Variants in SAMD12 observed in about 807,000 individuals in gnomAD.
The protein encoded by SAMD12 is sterile alpha motif domain containing 12.
Under a neutral mutation model 15.0 loss-of-function variants are expected in SAMD12, and 9 were observed. That is an observed-to-expected ratio of 0.60 (90% confidence interval 0.36 to 1.05). The LOEUF (loss-of-function observed/expected upper bound fraction) is 1.05, where lower values mean the gene tolerates loss of function less well. Ranked by LOEUF, SAMD12 falls within the 50% of genes least tolerant of loss-of-function variation. The pLI is 0.01. For missense variants in SAMD12, 230 were observed against 234.2 expected, an observed-to-expected ratio of 0.98 and a Z score of 0.12; for synonymous variants, 86 against 90.1, an observed-to-expected ratio of 0.96 and a Z score of 0.25.
intron 3 of SAMD12, among the ~76,000 whole-genome samples, chr8:118,436,181 C>T (rs906923208): frequency 6.6e-6 from 1 of 152,168 alleles, no homozygotes; most frequent in Non-Finnish European, 1.5e-5. Flanking sequence ...TTACTTACCA[C>T]TGTATTCTGA....
At chr8:118,507,306 C>T (rs1324871154) in intron 2 of SAMD12, among the ~76,000 whole-genome samples, 1 of 152,056 alleles carries the variant, frequency 6.6e-6, no homozygotes, top group Admixed American at 6.6e-5. Flanking sequence ...TCTCTCCCTC[C>T]TCTGAACTTT....
chr8:118,605,678 G>C (rs1849965165), intron 1 of SAMD12, among the ~76,000 whole-genome samples: 1 of 151,388 alleles, frequency 6.6e-6, no homozygotes, highest in Non-Finnish European at 1.5e-5. Context: ...AGGAAATTGA[G>C]ATAATAATCA....
chr8:118,270,487 A>G (rs1012931509), intron 4 of SAMD12, among the ~76,000 whole-genome samples: 1 of 152,020 alleles, frequency 6.6e-6, no homozygotes, highest in African/African-American at 2.4e-5. Flanking sequence ...ATCTCACTCT[A>G]TATGTTTGTT....
chr8:118,597,822 C>A (rs1269116809), intron 1 of SAMD12, among the ~76,000 whole-genome samples: 1 of 152,176 alleles, frequency 6.6e-6, no homozygotes, highest in Non-Finnish European at 1.5e-5. Flanking sequence ...CTCTACATGG[C>A]AGTTGGTACT....
chr8:118,445,686 T>C (rs1174030798), intron 2 of SAMD12, among the ~76,000 whole-genome samples: 1 of 152,198 alleles, frequency 6.6e-6, no homozygotes, highest in Non-Finnish European at 1.5e-5. Context: ...TAAATGCGTA[T>C]AGTGTTATTT....
intron 4 of SAMD12, among the ~76,000 whole-genome samples, chr8:118,337,168 A>T (rs1034713345): frequency 1.3e-5 from 2 of 152,200 alleles, no homozygotes; most frequent in African/African-American, 4.8e-5. Flanking sequence ...AATTAAAAAA[A>T]GAAAAAAAAA....
At chr8:118,523,352 T>C (rs1825444508) in intron 2 of SAMD12, among the ~76,000 whole-genome samples, 1 of 152,148 alleles carries the variant, frequency 6.6e-6, no homozygotes, top group South Asian at 2.1e-4. Flanking sequence ...TAAGCACCAA[T>C]GTCACAGTGG....
intron 2 of SAMD12, among the ~76,000 whole-genome samples, chr8:118,515,311 GCAC>G (rs1343232864): frequency 4.1e-5 from 6 of 147,396 alleles, no homozygotes; most frequent in African/African-American, 1.5e-4. Flanking sequence ...AAAGTTTTTA[GCAC>G]CTCCTCCTTC....
chr8:118,595,984 GAT>G (rs1355839918), intron 1 of SAMD12, among the ~76,000 whole-genome samples: 1 of 152,214 alleles, frequency 6.6e-6, no homozygotes, highest in Non-Finnish European at 1.5e-5. Flanking sequence ...TTGGTCAATG[GAT>G]ATAAGTGGAC....
chr8:118,527,429 C>A (rs1200430764), intron 2 of SAMD12, among the ~76,000 whole-genome samples: 2 of 152,152 alleles, frequency 1.3e-5, no homozygotes, highest in Non-Finnish European at 2.9e-5. Context: ...TACCATGGAT[C>A]AAGCCTTTGT....
At chr8:118,135,958 C>T in the SAMD12 span, among the ~76,000 whole-genome samples, 8 of 152,210 alleles carry the variant, frequency 5.3e-5, no homozygotes, top group African/African-American at 1.4e-4. Context: ...CCTTCCCACT[C>T]CCCCGCTTTG....
At chr8:118,611,136 A>T (rs957500044) in intron 1 of SAMD12, among the ~76,000 whole-genome samples, 4 of 152,206 alleles carry the variant, frequency 2.6e-5, no homozygotes, top group African/African-American at 9.7e-5. Context: ...TCTAATTATG[A>T]ATCAAATTTC....
the SAMD12 span, among the ~76,000 whole-genome samples, chr8:118,182,834 C>A: frequency 1.3e-5 from 2 of 152,144 alleles, no homozygotes; most frequent in Non-Finnish European, 1.5e-5. Flanking sequence ...GATGTTGGAA[C>A]GGTGTTTGAA....
At chr8:118,295,920 C>G (rs554537525) in intron 4 of SAMD12, among the ~76,000 whole-genome samples, 1 of 152,276 alleles carries the variant, frequency 6.6e-6, no homozygotes, top group African/African-American at 2.4e-5. Context: ...GCTGGGATTA[C>G]AGGCTGACCC....
At chr8:118,227,005 C>A (rs1452362131) in intron 4 of SAMD12, among the ~76,000 whole-genome samples, 1 of 152,130 alleles carries the variant, frequency 6.6e-6, no homozygotes, top group African/African-American at 2.4e-5. Flanking sequence ...ACCTAGCAGT[C>A]CAATTACTGG....
intron 4 of SAMD12, among the ~76,000 whole-genome samples, chr8:118,245,937 G>A (rs1414518699): frequency 6.6e-6 from 1 of 152,142 alleles, no homozygotes; most frequent in African/African-American, 2.4e-5. Context: ...TTTACAAGAA[G>A]GTTGAGAAGC....
chr8:118,140,577 C>T, the SAMD12 span, among the ~76,000 whole-genome samples: 1 of 152,228 alleles, frequency 6.6e-6, no homozygotes, highest in East Asian at 1.9e-4. Flanking sequence ...TGGCCTTTGT[C>T]TGTCTTATGT....
chr8:118,185,466 A>G (rs908464147), downstream of SAMD12, among the ~76,000 whole-genome samples: 1 of 152,130 alleles, frequency 6.6e-6, no homozygotes, highest in Admixed American at 6.5e-5. Context: ...GCTCCCACTT[A>G]TAAGTGAGAA....
chr8:118,491,781 C>T (rs1824447737), intron 2 of SAMD12, among the ~76,000 whole-genome samples: 1 of 152,104 alleles, frequency 6.6e-6, no homozygotes, highest in South Asian at 2.1e-4. Context: ...TATAACTAAT[C>T]TTTTCTCTTT....
Sources: gnomAD v4.1 joint callset for allele counts (sites outside exome capture counted in the v4.1 genomes callset) on GRCh38, gnomAD v4.1.1 for gene constraint, MANE v1.5 for transcripts, NCBI Gene and HGNC (gene_info 2026-07-23, HGNC 2026-07-21) for gene names.